Variants in RABGAP1L observed in about 807,000 individuals in gnomAD.
RABGAP1L encodes RAB GTPase activating protein 1 like, also known as rab GTPase-activating protein 1-like.
In RABGAP1L, 63 loss-of-function variants were observed where a neutral mutation model predicts 137.7. That is an observed-to-expected ratio of 0.46 (90% CI 0.37 to 0.56). The LOEUF (loss-of-function observed/expected upper bound fraction) is 0.56. Ranked by LOEUF, RABGAP1L falls within the 20% of genes least tolerant of loss-of-function variation. RABGAP1L has a pLI of 0.00. For synonymous variants in RABGAP1L, 431 were observed against 433.7 expected (o/e 0.99, Z 0.08); for missense variants, 1,095 against 1,244.0 (o/e 0.88, Z 1.80).
rs150848383 is a variant in RABGAP1L, at chr1:174,532,973, G to A, written c.1711-104402G>A. Among the ~76,000 whole-genome samples, 461 of 152,314 alleles carry A rather than the reference G, an allele frequency of 3.0e-3. 1 individual carries two copies. The highest frequency in any genetic ancestry group is 4.9e-3 in the Non-Finnish European group (332 of 68,024). ...ACTATAGCCGGGCACAGTGGCTTAC[G>A]CCTGTAATCCCAGCACTTTGGGAGG... is the stretch of plus-strand genomic sequence containing the variant. On this transcript the variant is annotated intron_variant, in intron 13 of 25. Transcript: ENST00000681986.
intron 10 of RABGAP1L, among the ~76,000 whole-genome samples, chr1:174,287,720 T>A (rs1057035402): frequency 1.3e-5 from 2 of 152,302 alleles, no homozygotes; most frequent in African/African-American, 2.4e-5. Context: ...CTTGAACTCC[T>A]GACCTCAAGT....
intron 13 of RABGAP1L, among the ~76,000 whole-genome samples, chr1:174,498,487 ATTTTTATTTTTTAT>A (rs747039168): frequency 1.3e-5 from 2 of 151,832 alleles, no homozygotes; most frequent in African/African-American, 4.8e-5. Context: ...ACGTTATTTT[ATTTTTATTTTTTAT>A]TTTTTATTTT....
chr1:174,486,287 T>G (rs1659643876), intron 13 of RABGAP1L, among the ~76,000 whole-genome samples: 1 of 151,670 alleles, frequency 6.6e-6, no homozygotes, highest in Non-Finnish European at 1.5e-5. Flanking sequence ...AAAAAACAAT[T>G]TTTTGTTTCA....
At chr1:174,590,137 T>C (rs927615777) in intron 13 of RABGAP1L, among the ~76,000 whole-genome samples, 5 of 143,666 alleles carry the variant, frequency 3.5e-5, no homozygotes, top group African/African-American at 5.1e-5. Context: ...TTTTTTTTTT[T>C]TTTTTTTTTT....
At chr1:174,598,425 C>T (rs1267356220) in intron 13 of RABGAP1L, among the ~76,000 whole-genome samples, 1 of 151,620 alleles carries the variant, frequency 6.6e-6, no homozygotes, top group Non-Finnish European at 1.5e-5. Flanking sequence ...CTATTAGGTC[C>T]ATTTGGTTTA....
At chr1:174,543,871 T>A (rs1665730513) in intron 13 of RABGAP1L, among the ~76,000 whole-genome samples, 1 of 152,222 alleles carries the variant, frequency 6.6e-6, no homozygotes, top group South Asian at 2.1e-4. Context: ...TTTGGCTGAA[T>A]ATGAAATTCT....
intron 17 of RABGAP1L, among the ~76,000 whole-genome samples, chr1:174,719,856 A>G (rs1681349912): frequency 6.6e-6 from 1 of 152,202 alleles, no homozygotes; most frequent in Admixed American, 6.5e-5. Flanking sequence ...AGTGACTCCA[A>G]ATCATAATAA....
intron 13 of RABGAP1L, among the ~76,000 whole-genome samples, chr1:174,440,153 A>G (rs551868098): frequency 6.6e-6 from 1 of 152,324 alleles, no homozygotes; most frequent in Non-Finnish European, 1.5e-5. Flanking sequence ...GTGGGGAGGT[A>G]GAGGTAGTTT....
chr1:174,444,947 G>T, intron 13 of RABGAP1L, among the ~76,000 whole-genome samples: 1 of 150,926 alleles, frequency 6.6e-6, no homozygotes, highest in Non-Finnish European at 1.5e-5. Context: ...AACCTATTTC[G>T]GTCCCATTTT....
intron 19 of RABGAP1L, among the ~76,000 whole-genome samples, chr1:174,879,573 T>C (rs1370698055): frequency 6.6e-6 from 1 of 152,072 alleles, no homozygotes; most frequent in Non-Finnish European, 1.5e-5. Context: ...GAGATATATA[T>C]TGAATAGTTT....
chr1:174,710,443 C>T (rs1021347868), intron 17 of RABGAP1L, among the ~76,000 whole-genome samples: 1 of 152,164 alleles, frequency 6.6e-6, no homozygotes, highest in Non-Finnish European at 1.5e-5. Flanking sequence ...TCGGGTTACT[C>T]ACAAAGGGAA....
At chr1:174,793,206 A>G (rs1394788747) in intron 18 of RABGAP1L, among the ~76,000 whole-genome samples, 1 of 152,156 alleles carries the variant, frequency 6.6e-6, no homozygotes, top group East Asian at 1.9e-4. Flanking sequence ...AGACCATAAG[A>G]CATTCTTACA....
chr1:174,651,533 T>G (rs1675488158), intron 14 of RABGAP1L, among the ~76,000 whole-genome samples: 1 of 152,206 alleles, frequency 6.6e-6, no homozygotes, highest in Non-Finnish European at 1.5e-5. Context: ...ATTGGGTGCA[T>G]ATATATTTAG....
At chr1:174,718,504 T>G (rs1256294382) in intron 17 of RABGAP1L, among the ~76,000 whole-genome samples, 5 of 152,210 alleles carry the variant, frequency 3.3e-5, no homozygotes, top group Non-Finnish European at 7.3e-5. Context: ...GAAAGGATGA[T>G]AGAGGAAGAA....
At chr1:174,322,576 AG>A (rs1278959724) in intron 11 of RABGAP1L, among the ~76,000 whole-genome samples, 8 of 152,142 alleles carry the variant, frequency 5.3e-5, no homozygotes, top group African/African-American at 1.9e-4. Context: ...TGCCAGAGAG[AG>A]CAACCCAAGA....
rs12035222 is a variant in RABGAP1L, at chr1:174,776,391, A to G, written c.2211+24037A>G. Among the ~76,000 whole-genome samples the G allele has an allele frequency of 2.3e-3, 355 of 152,178 alleles. 14 individuals are homozygous for G. The East Asian group carries it at 0.063, about 27-fold the overall frequency. Reference sequence around the variant, plus strand: ...CTTCATCTCAAAAAATAAAAAAAAAATAATAATAAAGTTGGTATTAGAGAA... The same window carrying G: ...CTTCATCTCAAAAAATAAAAAAAAAGTAATAATAAAGTTGGTATTAGAGAA... On this transcript the variant is annotated intron_variant, in intron 18 of 25. Transcript: ENST00000681986.
At chr1:174,226,022 G>A (rs1258727292) in intron 3 of RABGAP1L, among the ~76,000 whole-genome samples, 3 of 151,910 alleles carry the variant, frequency 2.0e-5, no homozygotes, top group Non-Finnish European at 4.4e-5. Context: ...TGGTAGAACT[G>A]GGAGAGAAAA....
At chr1:174,322,515 G>A (rs954618903) in intron 11 of RABGAP1L, among the ~76,000 whole-genome samples, 5 of 152,134 alleles carry the variant, frequency 3.3e-5, no homozygotes, top group African/African-American at 1.2e-4. Flanking sequence ...CTTCACATAA[G>A]TTTCTTTAGA....
intron 19 of RABGAP1L, among the ~76,000 whole-genome samples, chr1:174,872,041 C>A (rs1289331922): frequency 6.6e-6 from 1 of 152,186 alleles, no homozygotes; most frequent in African/African-American, 2.4e-5. Context: ...CTACCTCACC[C>A]TCATTCTTTG....
Sources: allele counts gnomAD v4.1 joint callset (sites outside exome capture counted in the v4.1 genomes callset), GRCh38; gene constraint gnomAD v4.1.1; transcripts MANE v1.5; gene names NCBI Gene and HGNC (gene_info 2026-07-23, HGNC 2026-07-21).